Variants in OCA2 observed in about 807,000 individuals in gnomAD.
OCA2 encodes P protein.
Under a neutral mutation model 100.2 loss-of-function variants are expected in OCA2, and 77 were observed. That is an observed-to-expected ratio of 0.77 (90% CI 0.64 to 0.93). OCA2 has a LOEUF of 0.93. OCA2 is among the 40% of genes least tolerant of loss of function. The pLI is 0.00. For synonymous variants in OCA2, 432 were observed against 439.2 expected (o/e 0.98, Z 0.21); for missense variants, 1,062 against 1,089.1 (o/e 0.98, Z 0.35).
chr15:27,833,004 C>T lies in OCA2; in HGVS notation c.2432+11955G>A, dbSNP rs142052122. ...GATTTTTTTGTATTTTTAGTAGAGA[C>T]GGGGCTTCACCATGTTGGCAAGGCT... On this transcript the variant is annotated intron_variant, in intron 23 of 23. Coordinates refer to ENST00000354638, the MANE Select transcript of OCA2 (RefSeq NM_000275.3). Among the ~76,000 whole-genome samples the T allele has an allele frequency of 6.1e-3, 922 of 151,780 alleles. 15 individuals are homozygous for T. Among genetic ancestry groups the T allele is most frequent in the African/African-American group, 0.02 (844 of 41,370 alleles).
chr15:27,943,508 C>T (rs1024562518), intron 18 of OCA2, among the ~76,000 whole-genome samples: 8 of 151,976 alleles, frequency 5.3e-5, no homozygotes, highest in Non-Finnish European at 1.2e-4. Flanking sequence ...CTTTCCAAAA[C>T]CTTTCCCTAA....
chr15:27,978,246 T>C (rs1327544640), intron 14 of OCA2, among the ~76,000 whole-genome samples: 2 of 152,228 alleles, frequency 1.3e-5, no homozygotes, highest in South Asian at 2.1e-4. Flanking sequence ...TCAAGTGCAG[T>C]TGGAAAAACA....
chr15:27,939,075 G>C (rs1001024222), intron 18 of OCA2, among the ~76,000 whole-genome samples: 2 of 152,202 alleles, frequency 1.3e-5, no homozygotes, highest in Non-Finnish European at 2.9e-5. Context: ...GTGGTCTCAA[G>C]CATCTTTGAA....
chr15:27,980,370 G>A (rs549496838), intron 14 of OCA2, among the ~76,000 whole-genome samples: 122 of 150,512 alleles, frequency 8.1e-4, no homozygotes, highest in African/African-American at 2.6e-3. Context: ...CTCATGATCC[G>A]ACCGCCTCAG....
chr15:27,760,546 A>G (rs988432174), intron 23 of OCA2, among the ~76,000 whole-genome samples: 37 of 152,114 alleles, frequency 2.4e-4, no homozygotes, highest in African/African-American at 8.4e-4. Flanking sequence ...AAAAAGATCA[A>G]TAAAATTAAC....
chr15:27,844,360 G>A (rs141709922), intron 23 of OCA2, among the ~76,000 whole-genome samples: 26 of 152,294 alleles, frequency 1.7e-4, no homozygotes, highest in Admixed American at 7.8e-4. Flanking sequence ...CACCGTCTTC[G>A]TGGACAGTCA....
Position 27,756,681 on chromosome 15 carries a change from A to G in OCA2, c.2433-1209T>C, listed in dbSNP as rs2030397331. 1.3e-5 allele frequency among the ~76,000 whole-genome samples: 2 copies of G among 152,208 alleles called. 1 individual carries two copies. The highest frequency in any genetic ancestry group is 4.1e-4 in the South Asian group (2 of 4,828). The stretch of plus-strand genomic sequence containing the variant: ...CAGACATCACTGCAAGCCTTCATGG[A>G]AGCACAAAGCCTTCGTTCCTCTGTG... On this transcript the variant is annotated intron_variant, in intron 23 of 23. Transcript: ENST00000354638.
intron 18 of OCA2, among the ~76,000 whole-genome samples, chr15:27,945,017 C>T (rs2039782118): frequency 6.6e-6 from 1 of 152,208 alleles, no homozygotes; most frequent in African/African-American, 2.4e-5. Context: ...TTTTTATGTT[C>T]ACCACACTAG....
At position 28,018,527 on chromosome 15, in the gene OCA2, G is replaced by T. The variant is rs377617821; in HGVS notation, c.677C>A (p.Thr226Lys). 5.6e-6 allele frequency: 9 copies of T among 1,613,596 alleles called. No homozygotes were observed. In the South Asian group the frequency reaches 8.8e-5, roughly 16 times the overall value. ...SVNLSSHVDSTLLQVDLAGAL... is the reference protein window; with the variant it reads ...SVNLSSHVDSKLLQVDLAGAL... The stretch of plus-strand genomic sequence containing the variant: ...CCCTGCCAGGTCCACCTGCAGCAGC[G>T]TGGAGTCCACGTGGCTGCTAAGGTT... Residue 226 changes from threonine (T) to lysine (K), a missense_variant, in exon 7 of 24, where the codon ACG (threonine) becomes AAG (lysine). Coordinates refer to ENST00000354638, the MANE Select transcript of OCA2 (RefSeq NM_000275.3).
At chr15:27,921,815 C>G (rs747850574) in intron 19 of OCA2, among the ~76,000 whole-genome samples, 15 of 152,210 alleles carry the variant, frequency 9.9e-5, no homozygotes, top group Non-Finnish European at 1.9e-4. Flanking sequence ...GCTCCTCCCA[C>G]ATCAGCCTCC....
chr15:27,726,433 C>T, the OCA2 span, among the ~76,000 whole-genome samples: 2 of 152,238 alleles, frequency 1.3e-5, no homozygotes, highest in Non-Finnish European at 2.9e-5. Flanking sequence ...TGAAAACAGT[C>T]TTCTCAATAC....
At position 27,888,395 on chromosome 15, in the gene OCA2, A is replaced by G. The variant is rs1385439382; in HGVS notation, c.2080-16473T>C. 2.0e-5 allele frequency among the ~76,000 whole-genome samples: 3 copies of G among 152,252 alleles called. No individual in the cohort carries two copies. The East Asian group carries it at 5.8e-4, about 29-fold the overall frequency. ...AGACAAAATATCCAGGATACAATCA[A>G]AAGTCACCTGTCATATCAGAAACTG... On this transcript the variant is annotated intron_variant, in intron 19 of 23. Transcript: ENST00000354638.
chr15:27,910,458 G>A (rs149681232), intron 19 of OCA2, among the ~76,000 whole-genome samples: 3 of 152,256 alleles, frequency 2.0e-5, no homozygotes, highest in Non-Finnish European at 2.9e-5. Context: ...TTGAATAAAC[G>A]ATGGCACATT....
rs2044626712 is a variant in OCA2, at chr15:28,081,633, C to T, written c.227+15G>A. 1 of 1,609,354 alleles carries T rather than the reference C, an allele frequency of 6.2e-7. No homozygotes were observed. Among genetic ancestry groups the T allele is most frequent in the Admixed American group, 1.7e-5 (1 of 59,830 alleles). On this transcript the variant is annotated intron_variant, in intron 2 of 23. Transcript: ENST00000354638. ...TGAAGTCCACATTTACAAGATGGCACTATTTTAAACTCACCTCCCTTTTGT... is the reference window on the plus strand; with the variant it reads ...TGAAGTCCACATTTACAAGATGGCATTATTTTAAACTCACCTCCCTTTTGT...
In OCA2 at chr15:27,755,458, A is replaced by G. The variant is rs1566936842; in HGVS notation, c.2447T>C (p.Met816Thr). Residue 816 changes from methionine to threonine, a missense_variant, in exon 24 of 24, where the codon ATG (methionine) becomes ACG (threonine). Coordinates refer to ENST00000354638, the MANE Select transcript of OCA2 (RefSeq NM_000275.3). ...FMEFFRLGFP[M>T]MVVSCTVGMC... Reference sequence around the variant, plus strand: ...CCCAACAGTGCAGGACACAACCATCATTGGGAAGCCCAGCCTGAAATACAA... The same window carrying G: ...CCCAACAGTGCAGGACACAACCATCGTTGGGAAGCCCAGCCTGAAATACAA... The G allele has an allele frequency of 6.2e-7, 1 of 1,613,752 alleles. No individual in the cohort carries two copies.
intron 9 of OCA2, among the ~76,000 whole-genome samples, chr15:28,004,763 TCA>T (rs1370743323): frequency 1.3e-5 from 2 of 151,798 alleles, no homozygotes; most frequent in Non-Finnish European, 2.9e-5. Context: ...ACACATGGTC[TCA>T]CACACACACC....
At chr15:27,885,848 T>C (rs1294791586) in intron 19 of OCA2, among the ~76,000 whole-genome samples, 2 of 152,208 alleles carry the variant, frequency 1.3e-5, no homozygotes, top group African/African-American at 4.8e-5. Flanking sequence ...TCCTGGAGCT[T>C]ATATTCTGGT....
At chr15:28,079,802 C>T (rs2044559727) in intron 2 of OCA2, among the ~76,000 whole-genome samples, 1 of 152,106 alleles carries the variant, frequency 6.6e-6, no homozygotes, top group African/African-American at 2.4e-5. Context: ...GGCACCCTCA[C>T]CCTCCCTTCA....
chr15:27,770,783 TTCCTTCCTCCCTCCCTCTTTTC>T (rs2031692133), intron 23 of OCA2, among the ~76,000 whole-genome samples: 12 of 54,570 alleles, frequency 2.2e-4, no homozygotes, highest in Non-Finnish European at 3.6e-4. Context: ...CCTTCCATCC[TTCCTTCCTCCCTCCCTCTTTTC>T]CTTCCTTCCT....
Sources: allele counts gnomAD v4.1 joint callset (sites outside exome capture counted in the v4.1 genomes callset), GRCh38; gene constraint gnomAD v4.1.1; transcripts MANE v1.5; gene names NCBI Gene and HGNC (gene_info 2026-07-23, HGNC 2026-07-21).